The following GTF3C6 variants were observed in gnomAD, a reference collection of about 807,000 sequenced individuals.
The protein encoded by GTF3C6 is general transcription factor 3C polypeptide 6.
In GTF3C6, 11 loss-of-function variants were observed where a neutral mutation model predicts 19.2. The observed-to-expected ratio is 0.57, with a 90% CI of 0.36 to 0.95. The LOEUF (loss-of-function observed/expected upper bound fraction) is 0.95, where lower values mean the gene tolerates loss of function less well. GTF3C6 is among the 40% of genes least tolerant of loss of function. The pLI is 0.01. For synonymous variants in GTF3C6, 87 were observed against 84.2 expected, an observed-to-expected ratio of 1.03 and a Z score of -0.18; for missense variants, 222 against 254.7, an observed-to-expected ratio of 0.87 and a Z score of 0.87.
chr6:110,963,634 G>C lies in GTF3C6; in HGVS notation c.361+1129G>C, dbSNP rs533337657. 3.3e-5 allele frequency among the ~76,000 whole-genome samples: 5 copies of C among 152,006 alleles called. No individual in the cohort carries two copies. In the South Asian group the frequency reaches 1.0e-3, roughly 32 times the overall value. On this transcript the variant is annotated intron_variant, in intron 5 of 5. Coordinates refer to ENST00000329970, the MANE Select transcript of GTF3C6 (RefSeq NM_138408.4). ...GATCACAATAGTTCTGAATTCCCAA[G>C]GTGAAATCCCCTGGAAACTTCTGGC...
At chr6:110,960,749 G>T in intron 4 of GTF3C6, 133 bp downstream of exon 4, 2 of 767,864 alleles carry the variant, frequency 2.6e-6, no homozygotes, top group East Asian at 2.8e-5. Context: ...TCAGATTATA[G>T]TTAAAAAAAA....
Position 110,967,620 on chromosome 6 carries a change from G to T in GTF3C6, c.472G>T (p.Asp158Tyr). Residue 158 changes from aspartate (D) to tyrosine (Y), a missense_variant, in exon 6 of 6, where the codon GAT becomes TAT. Transcript: ENST00000329970. Reference protein sequence around the residue: ...EDEEVVASAPDKSLELEEEEI... With the variant: ...EDEEVVASAPYKSLELEEEEI... ...CGAAGAAGTGGTAGCTTCAGCCCCA[G>T]ATAAATCTTTGGAATTGGAAGAGGA... 2.5e-6 allele frequency: 4 copies of T among 1,614,160 alleles called. No individual in the cohort carries two copies. The highest frequency in any genetic ancestry group is 2.5e-6 in the Non-Finnish European group (3 of 1,180,028).
At chr6:110,962,241 A>G in intron 4 of GTF3C6, 151 bp from the exon 5 acceptor site, 3 of 577,312 alleles carry the variant, frequency 5.2e-6, no homozygotes, top group Non-Finnish European at 9.5e-6. Context: ...CTATGCTTGG[A>G]GCAGGAGGGA....
At chr6:110,963,586 T>A (rs1463221955) in intron 5 of GTF3C6, among the ~76,000 whole-genome samples, 1 of 152,166 alleles carries the variant, frequency 6.6e-6, no homozygotes, top group East Asian at 1.9e-4. Flanking sequence ...GGGAAAAAAC[T>A]TCCTTGTGAG....
rs1298565167 is a variant in GTF3C6, at chr6:110,967,831, AAGAACTTTTT to A, written c.*45_*54del. The stretch of plus-strand genomic sequence containing the variant: ...GAAATGTTTCTCATAATAACTTGTC[AAGAACTTTTT>A]AGAGTTGTTACATAAAAATAATTGC... On this transcript the variant is annotated 3_prime_UTR_variant, in exon 6 of 6. Transcript: ENST00000329970. 9.8e-6 allele frequency: 15 copies of A among 1,527,458 alleles called. No individual in the cohort carries two copies. The highest frequency in any genetic ancestry group is 1.2e-5 in the Non-Finnish European group (14 of 1,132,694). 94.6% of individuals were successfully genotyped at this position (1,527,458 alleles called of 1,614,324 possible).
chr6:110,960,534 A>T, intron 3 of GTF3C6, 38 bp from the exon 4 acceptor site: 1 of 1,610,610 alleles, frequency 6.2e-7, no homozygotes, highest in Non-Finnish European at 8.5e-7. Context: ...CAGAGATGGT[A>T]GCTCTTCTCA....
intron 2 of GTF3C6, 57 bp from the exon 3 acceptor site, chr6:110,960,357 A>T: frequency 6.9e-7 from 1 of 1,456,344 alleles, no homozygotes; most frequent in Non-Finnish European, 9.4e-7. Context: ...CAAGGTTACA[A>T]TGTTGAAGCC....
chr6:110,961,825 T>C (rs9372274), intron 4 of GTF3C6, among the ~76,000 whole-genome samples: 37,637 of 152,130 alleles, frequency 0.25, 5,385 homozygotes, highest in East Asian at 0.65. Flanking sequence ...ATGGGTTTAA[T>C]CTCACTCATA....
At position 110,967,552 on chromosome 6, in the gene GTF3C6, A is replaced by G; in HGVS notation, c.404A>G (p.Tyr135Cys). The stretch of plus-strand genomic sequence containing the variant: ...CAAATAAAGGATAATGATTTCTCCT[A>G]TCGACCCAACATGATTTGTAACTTT... ...WLQIKDNDFS[Y>C]RPNMICNFLH... Residue 135 changes from tyrosine (Y) to cysteine (C), a missense_variant, in exon 6 of 6, where the codon TAT becomes TGT. Physicochemically the swap from Tyr to Cys is radical, Grantham distance 194 (BLOSUM62 -2). Transcript: ENST00000329970. 4 of 1,613,886 alleles carry G rather than the reference A, an allele frequency of 2.5e-6. No homozygotes were observed. The highest frequency in any genetic ancestry group is 3.4e-6 in the Non-Finnish European group (4 of 1,179,948).
intron 4 of GTF3C6, among the ~76,000 whole-genome samples, chr6:110,961,830 C>T (rs1000077608): frequency 6.6e-6 from 1 of 152,176 alleles, no homozygotes; most frequent in Non-Finnish European, 1.5e-5. Context: ...TTTAATCTCA[C>T]TCATAACTCT....
chr6:110,962,742 A>G (rs937309382), intron 5 of GTF3C6, among the ~76,000 whole-genome samples: 6 of 151,798 alleles, frequency 4.0e-5, no homozygotes, highest in African/African-American at 1.5e-4. Context: ...AACAGGGATT[A>G]CAGGCACCCA....
At chr6:110,959,451 G>T (rs749425290) in intron 2 of GTF3C6, among the ~76,000 whole-genome samples, 199 bp downstream of exon 2, 4 of 152,146 alleles carry the variant, frequency 2.6e-5, no homozygotes, top group Non-Finnish European at 5.9e-5. Flanking sequence ...GGGGACTATG[G>T]GAGCAGATAG....
chr6:110,958,821 G>A lies in GTF3C6; in HGVS notation c.52G>A (p.Glu18Lys), dbSNP rs1181306959. The A allele has an allele frequency of 1.9e-6, 3 of 1,551,278 alleles. No homozygotes were observed. In the South Asian group the frequency reaches 3.6e-5, roughly 18 times the overall value. The change falls in exon 1 of 6, where the codon GAG (glutamate) becomes AAG (lysine). Residue 18 changes from glutamate to lysine, a missense_variant. By Grantham distance (56) the Glu-to-Lys change is moderately conservative (BLOSUM62 1). Transcript: ENST00000329970. ...RSPEDGEDEEEEEQLVLVELS... is the reference protein window; with the variant it reads ...RSPEDGEDEEKEEQLVLVELS... ...TCCAGAGGACGGAGAAGACGAGGAA[G>A]AGGAGGTAGTAAGCGCTACGCCAAA...
At chr6:110,958,876 T>G in intron 1 of GTF3C6, 50 bp downstream of exon 1, 2 of 1,532,674 alleles carry the variant, frequency 1.3e-6, no homozygotes, top group South Asian at 2.4e-5. Context: ...GTGATGCCTG[T>G]GCTGGCTGTG....
At chr6:110,959,144 G>A in intron 1 of GTF3C6, 28 bp from the exon 2 acceptor site, 2 of 1,517,416 alleles carry the variant, frequency 1.3e-6, no homozygotes, top group Non-Finnish European at 1.8e-6. Context: ...TCGCGTGCTA[G>A]CATGTTAACC....
At chr6:110,960,387 T>TG (rs766238802) in intron 2 of GTF3C6, 27 bp from the exon 3 acceptor site, 15 of 1,573,336 alleles carry the variant, frequency 9.5e-6, no homozygotes, top group Non-Finnish European at 1.3e-5. Flanking sequence ...TTATGTTTTT[T>TG]TTTTATGATC....
intron 1 of GTF3C6, 43 bp downstream of exon 1, chr6:110,958,869 A>G (rs1583245635): frequency 1.3e-6 from 2 of 1,534,870 alleles, no homozygotes; most frequent in Non-Finnish European, 1.8e-6. Flanking sequence ...AGTGGCGGTG[A>G]TGCCTGTGCT....
At chr6:110,959,340 G>T in intron 2 of GTF3C6, 88 bp downstream of exon 2, 1 of 793,084 alleles carries the variant, frequency 1.3e-6, no homozygotes, top group East Asian at 2.5e-5. Context: ...CGCAAGTATT[G>T]ATATATTTAT....
Position 110,967,851 on chromosome 6 carries a change from A to ACT in GTF3C6, c.*62_*63insTC, listed in dbSNP as rs1001791132. 1 of 1,405,950 alleles carries ACT rather than the reference A, an allele frequency of 7.1e-7. No homozygotes were observed. Among genetic ancestry groups the ACT allele is most frequent in the Non-Finnish European group, 9.7e-7 (1 of 1,029,840 alleles). 87.1% of individuals were successfully genotyped at this position (1,405,950 alleles called of 1,614,324 possible). On this transcript the variant is annotated 3_prime_UTR_variant, in exon 6 of 6. Coordinates refer to ENST00000329970, the MANE Select transcript of GTF3C6 (RefSeq NM_138408.4). ...TTGTCAAGAACTTTTTAGAGTTGTT[A>ACT]CATAAAAATAATTGCTGTGTAGCTT... is the stretch of plus-strand genomic sequence containing the variant.
Sources: allele counts gnomAD v4.1 joint callset (sites outside exome capture counted in the v4.1 genomes callset), GRCh38; gene constraint gnomAD v4.1.1; transcripts MANE v1.5; gene names NCBI Gene and HGNC (gene_info 2026-07-23, HGNC 2026-07-21).